Variants in FBXW8 observed in about 807,000 individuals in gnomAD.
FBXW8 encodes F-box and WD repeat domain containing 8.
Under a neutral mutation model 65.3 loss-of-function variants are expected in FBXW8, and 57 were observed. The ratio of observed to expected loss-of-function variants is 0.87; its 90% CI spans 0.71 to 1.09. FBXW8 has a LOEUF of 1.09. Among genes scored for constraint, FBXW8 ranks in the 50% least tolerant of loss-of-function variants. FBXW8 has a pLI of 0.00. For missense variants in FBXW8, 777 were observed against 814.8 expected, an observed-to-expected ratio of 0.95 and a Z score of 0.57; for synonymous variants, 308 against 330.2, an observed-to-expected ratio of 0.93 and a Z score of 0.73.
Position 117,028,372 on chromosome 12 carries a change from G to A in FBXW8, c.*200G>A, listed in dbSNP as rs1954289313. 3.1e-6 allele frequency: 2 copies of A among 649,588 alleles called. No individual in the cohort carries two copies. Among genetic ancestry groups the A allele is most frequent in the Non-Finnish European group, 5.2e-6 (2 of 387,022 alleles). The allele number at this position is 649,588 out of a possible 1,614,324, so 40.2% of individuals were successfully genotyped here. On this transcript the variant is annotated 3_prime_UTR_variant, in exon 11 of 11. Transcript: ENST00000652555. This position sits in a 1 kb window ranked among gnomAD's most constrained non-coding sequence, Gnocchi z 4.1. The stretch of plus-strand genomic sequence containing the variant: ...CAAGCTGGCGTGTGCCAGGGCTCGA[G>A]TCCCACGTGCTGCCAACTCAAACAT...
Position 116,911,134 on chromosome 12 carries a change from G to C in FBXW8, c.97G>C (p.Glu33Gln). 1 of 1,368,300 alleles carries C rather than the reference G, an allele frequency of 7.3e-7. No individual in the cohort carries two copies. Among genetic ancestry groups the C allele is most frequent in the South Asian group, 1.8e-5 (1 of 56,196 alleles). 84.8% of individuals were successfully genotyped at this position (1,368,300 alleles called of 1,614,324 possible). A position where few individuals can be genotyped will look rare whatever the true frequency, so the allele number is the denominator to read the frequency against. Residue 33 changes from glutamate (E) to glutamine (Q), a missense_variant, in exon 1 of 11, where the codon GAG becomes CAG. Coordinates refer to ENST00000652555, the MANE Select transcript of FBXW8 (RefSeq NM_153348.3). ...GAAGCGGCGACGGCCCGAGGCTGCC[G>C]AGAGGCGGGCTCGGCGGCCGGAGGT... ...PKKRRRPEAA[E>Q]RRARRPEVGS...
intron 2 of FBXW8, among the ~76,000 whole-genome samples, chr12:116,935,604 A>G (rs1330563805): frequency 1.3e-5 from 2 of 152,216 alleles, no homozygotes; most frequent in African/African-American, 4.8e-5. Flanking sequence ...GCCTCCTTTA[A>G]GCACAAATTT....
chr12:116,979,815 C>G (rs1417829770), intron 5 of FBXW8, among the ~76,000 whole-genome samples: 1 of 150,724 alleles, frequency 6.6e-6, no homozygotes, highest in Non-Finnish European at 1.5e-5. Flanking sequence ...TCTTATGCCA[C>G]TGCCAAGAAA....
intron 4 of FBXW8, among the ~76,000 whole-genome samples, chr12:116,952,550 T>C (rs4767479): frequency 0.99 from 151,207 of 152,340 alleles, 75,044 homozygotes; most frequent in East Asian, 1. Flanking sequence ...CTAGCGTCCA[T>C]TCTTCTCGGA....
intron 1 of FBXW8, among the ~76,000 whole-genome samples, 174 bp downstream of exon 1, chr12:116,911,529 C>T (rs2137275989): frequency 6.6e-6 from 1 of 152,288 alleles, no homozygotes; most frequent in East Asian, 1.9e-4. Flanking sequence ...AGCAGCACTT[C>T]CCAACCAGGG....
In FBXW8 at chr12:117,028,919, C is replaced by G. The variant is rs1185583261; in HGVS notation, c.*747C>G. The G allele has an allele frequency of 6.6e-6, 1 of 152,202 alleles. No individual in the cohort carries two copies. The highest frequency in any genetic ancestry group is 1.5e-5 in the Non-Finnish European group (1 of 68,050). The allele number at this position is 152,202 out of a possible 1,614,324, so 9.4% of individuals were successfully genotyped here. A position where few individuals can be genotyped will look rare whatever the true frequency, so the allele number is the denominator to read the frequency against. ...TGCCATTTCCAAAGTATTCTGGAAG[C>G]AAGCCATTGCCTTACTCTTGATTTT... On this transcript the variant is annotated 3_prime_UTR_variant, in exon 11 of 11. Coordinates refer to ENST00000652555, the MANE Select transcript of FBXW8 (RefSeq NM_153348.3). The surrounding 1 kb of genome is among the most constrained non-coding windows in gnomAD (Gnocchi z 4.1).
chr12:116,916,213 G>A (rs942427626), intron 1 of FBXW8, among the ~76,000 whole-genome samples: 1 of 152,150 alleles, frequency 6.6e-6, no homozygotes, highest in African/African-American at 2.4e-5. Context: ...TTTTTCCTGA[G>A]TATTCATTTG....
chr12:116,992,564 C>G (rs879930367), intron 7 of FBXW8, among the ~76,000 whole-genome samples: 1 of 151,896 alleles, frequency 6.6e-6, no homozygotes, highest in Non-Finnish European at 1.5e-5. Flanking sequence ...TACCCAGTAC[C>G]CTTCTGAGTC....
intron 7 of FBXW8, among the ~76,000 whole-genome samples, chr12:117,004,645 C>T (rs553029738): frequency 1.3e-5 from 2 of 152,208 alleles, no homozygotes; most frequent in South Asian, 2.1e-4. Flanking sequence ...GAGGCAGACA[C>T]GTTTCTGGGT....
intron 8 of FBXW8, among the ~76,000 whole-genome samples, chr12:117,022,649 C>T (rs575926588): frequency 6.6e-6 from 1 of 152,146 alleles, no homozygotes; most frequent in African/African-American, 2.4e-5. Context: ...GAGTGAGGCC[C>T]TGTCTTTAAA....
chr12:116,939,035 T>C (rs1009927708), intron 2 of FBXW8, among the ~76,000 whole-genome samples: 4 of 152,162 alleles, frequency 2.6e-5, no homozygotes, highest in African/African-American at 7.2e-5. Context: ...GCCCAAAACA[T>C]ATCTTAACTG....
chr12:116,940,743 A>G (rs1419428054), intron 2 of FBXW8, among the ~76,000 whole-genome samples: 1 of 152,076 alleles, frequency 6.6e-6, no homozygotes, highest in African/African-American at 2.4e-5. Context: ...GCTTTAGTGG[A>G]CCATTAGTTG....
chr12:116,935,644 G>C (rs1882100521), intron 2 of FBXW8, among the ~76,000 whole-genome samples: 1 of 152,224 alleles, frequency 6.6e-6, no homozygotes, highest in Non-Finnish European at 1.5e-5. Flanking sequence ...CTAAAAAACA[G>C]ATTGGGAGCT....
intron 7 of FBXW8, chr12:117,002,932 T>G (rs1418889345): frequency 3.3e-5 from 5 of 152,244 alleles, no homozygotes; most frequent in South Asian, 4.1e-4. Flanking sequence ...TGTAGTTCAA[T>G]TCCACGTTTC....
intron 7 of FBXW8, among the ~76,000 whole-genome samples, chr12:117,000,256 G>C (rs1953482306): frequency 6.6e-6 from 1 of 152,178 alleles, no homozygotes; most frequent in Non-Finnish European, 1.5e-5. Context: ...GATTACAGGC[G>C]TGAGCCACCG....
chr12:117,018,353 C>T (rs1044059300), intron 8 of FBXW8, among the ~76,000 whole-genome samples: 1 of 152,206 alleles, frequency 6.6e-6, no homozygotes, highest in African/African-American at 2.4e-5. Context: ...CAATATCTAC[C>T]ATTGGCTCCT....
chr12:116,954,111 CAAAA>C (rs59747365), intron 4 of FBXW8, among the ~76,000 whole-genome samples: 2 of 100,638 alleles, frequency 2.0e-5, no homozygotes, highest in Admixed American at 1.0e-4. Context: ...GACTCTGTCT[CAAAA>C]AAAAAAAAAA....
chr12:116,994,654 T>G (rs1280166384), intron 7 of FBXW8, among the ~76,000 whole-genome samples: 1 of 152,252 alleles, frequency 6.6e-6, no homozygotes, highest in Non-Finnish European at 1.5e-5. Context: ...AGCTTGCTTT[T>G]TCCTGCAGCA....
At chr12:117,020,815 A>G (rs1315600353) in intron 8 of FBXW8, among the ~76,000 whole-genome samples, 10 of 152,214 alleles carry the variant, frequency 6.6e-5, no homozygotes, top group Admixed American at 6.5e-4. Context: ...GTCCTGGGGA[A>G]GTCACTTCCT....
Sources: gnomAD v4.1 joint callset for allele counts (sites outside exome capture counted in the v4.1 genomes callset) on GRCh38, gnomAD v4.1.1 for gene constraint, Gnocchi (gnomAD v3.1) non-coding constraint, MANE v1.5 for transcripts, NCBI Gene and HGNC (gene_info 2026-07-23, HGNC 2026-07-21) for gene names.